The following CZIB variants were observed in gnomAD, a reference collection of about 807,000 sequenced individuals.
CZIB encodes UPF0587 protein C1orf123.
CZIB carries 26 observed loss-of-function variants against 28.3 expected under a neutral mutation model. The ratio of observed to expected loss-of-function variants is 0.92; its 90% CI spans 0.67 to 1.27. CZIB has a LOEUF of 1.27. Among genes scored for constraint, CZIB ranks in the 50% most tolerant of loss-of-function variants. CZIB has a pLI of 0.00. For missense variants in CZIB, 179 were observed against 197.3 expected (o/e 0.91, Z 0.56); for synonymous variants, 78 against 71.1 (o/e 1.10, Z -0.49).
chr1:53,216,125 C>T, intron 6 of CZIB, 69 bp from the exon 7 acceptor site: 4 of 1,470,734 alleles, frequency 2.7e-6, no homozygotes, highest in Non-Finnish European at 2.9e-6. Flanking sequence ...TAAGGGCCGG[C>T]CAGGCTGCTG....
chr1:53,219,135 C>G (rs1572391253), intron 2 of CZIB: 2 of 589,588 alleles, frequency 3.4e-6, no homozygotes, highest in Non-Finnish European at 6.1e-6. Context: ...CGTGCCCACC[C>G]TCCTCTATGA....
intron 2 of CZIB, 71 bp from the exon 3 acceptor site, chr1:53,218,994 G>T: frequency 7.5e-7 from 1 of 1,327,976 alleles, no homozygotes; most frequent in Non-Finnish European, 1.1e-6. Flanking sequence ...GGTAAGAACA[G>T]TGGGAGGTGG....
At chr1:53,219,094 A>G in intron 2 of CZIB, 171 bp from the exon 3 acceptor site, 1 of 649,764 alleles carries the variant, frequency 1.5e-6, no homozygotes, top group East Asian at 2.7e-5. Context: ...ATCTCTGGGC[A>G]AAGGATAGGT....
rs777331497 is a variant in CZIB at position 53,220,279 on chromosome 1, G to C, written c.72C>G (p.Asp24Glu). The change falls in exon 2 of 8, where the codon GAC becomes GAG. Residue 24 changes from aspartate to glutamate, a missense_variant. By Grantham distance (45) the Asp-to-Glu change is conservative (BLOSUM62 2). Transcript: ENST00000294360. ...GCCGCACCTTCAGGTACCACCGGAAGTCCTCGCCCACGGGCCGGAGGTTGG... is the reference window on the plus strand; with the variant it reads ...GCCGCACCTTCAGGTACCACCGGAACTCCTCGCCCACGGGCCGGAGGTTGG... ...NITNLRPVGEDFRWYLKMKCG... is the reference protein window; with the variant it reads ...NITNLRPVGEEFRWYLKMKCG... 6.2e-7 allele frequency: 1 copy of C among 1,613,546 alleles called. No homozygotes were observed. Among genetic ancestry groups the C allele is most frequent in the Admixed American group, 1.7e-5 (1 of 60,020 alleles).
At chr1:53,215,902 T>C in intron 7 of CZIB, 89 bp downstream of exon 7, 3 of 1,333,966 alleles carry the variant, frequency 2.2e-6, no homozygotes, top group Non-Finnish European at 3.2e-6. Flanking sequence ...AAATACAGAG[T>C]TGGCTTTCCA....
intron 7 of CZIB, among the ~76,000 whole-genome samples, chr1:53,214,969 T>TA (rs1227893863): frequency 4.6e-5 from 7 of 151,810 alleles, no homozygotes; most frequent in Admixed American, 1.3e-4. Flanking sequence ...GTCTTCTATT[T>TA]AAAAAAAACA....
rs377269419 is a variant in CZIB at position 53,220,284 on chromosome 1, C to T, written c.67G>A (p.Glu23Lys). Residue 23 changes from glutamate to lysine, a missense_variant, in exon 2 of 8, where the codon GAG (glutamate) becomes AAG (lysine). Physicochemically the swap from Glu to Lys is moderately conservative, Grantham distance 56. Transcript: ENST00000294360. ...ACCTTCAGGTACCACCGGAAGTCCT[C>T]GCCCACGGGCCGGAGGTTGGTGATG... ...ENITNLRPVG[E>K]DFRWYLKMKC... 1.9e-6 allele frequency: 3 copies of T among 1,613,578 alleles called. No individual in the cohort carries two copies. The highest frequency in any genetic ancestry group is 2.2e-5 in the South Asian group (2 of 91,080).
At chr1:53,216,747 A>G (rs1223975688) in intron 6 of CZIB, 35 bp downstream of exon 6, 2 of 1,599,048 alleles carry the variant, frequency 1.3e-6, no homozygotes. Context: ...TCCCCTCCCC[A>G]AAGACAAAGA....
At position 53,220,348 on chromosome 1, in the gene CZIB, A is replaced by C. The variant is rs1645513913; in HGVS notation, c.7-4T>G. 1 of 1,611,956 alleles carries C rather than the reference A, an allele frequency of 6.2e-7. No individual in the cohort carries two copies. The highest frequency in any genetic ancestry group is 2.2e-5 in the East Asian group (1 of 44,880). On this transcript the variant is annotated splice_region_variant and splice_polypyrimidine_tract_variant and intron_variant, in intron 1 of 7. Coordinates refer to ENST00000294360, the MANE Select transcript of CZIB (RefSeq NM_017887.3). ...CTTTGAGTTGCAGCGCGATTTTCTG[A>C]GGGGGAGGGCCAGAGCGACTGCGTC...
chr1:53,218,143 C>G (rs1645485477), intron 5 of CZIB, 29 bp downstream of exon 5: 17 of 1,611,998 alleles, frequency 1.1e-5, no homozygotes, highest in Non-Finnish European at 1.4e-5. Context: ...TTAAGCCCAC[C>G]ATCCCTGCCA....
In CZIB at chr1:53,216,831, A is replaced by G; in HGVS notation, c.290T>C (p.Ile97Thr). ...AAGGCCCCGGCACTCAAACTCCACT[A>G]TTGTCTTGAAGTTCTCATTGTCTTC... is the stretch of plus-strand genomic sequence containing the variant. ...NAEDNENFKT[I>T]VEFECRGLEP... Residue 97 changes from isoleucine to threonine, a missense_variant, in exon 6 of 8, where the codon ATA becomes ACA. Coordinates refer to ENST00000294360, the MANE Select transcript of CZIB (RefSeq NM_017887.3). 6.2e-7 allele frequency: 1 copy of G among 1,614,122 alleles called. No individual in the cohort carries two copies. The highest frequency in any genetic ancestry group is 8.5e-7 in the Non-Finnish European group (1 of 1,179,982).
rs1324789239 is a variant in CZIB, at chr1:53,214,609, A to G, written c.*50T>C. 2 of 1,528,056 alleles carry G rather than the reference A, an allele frequency of 1.3e-6. No homozygotes were observed. Among genetic ancestry groups the G allele is most frequent in the Middle Eastern group, 1.9e-4 (1 of 5,384 alleles). 94.7% of individuals were successfully genotyped at this position (1,528,056 alleles called of 1,614,324 possible). On this transcript the variant is annotated 3_prime_UTR_variant, in exon 8 of 8. Coordinates refer to ENST00000294360, the MANE Select transcript of CZIB (RefSeq NM_017887.3). ...AGCCTCTGTGGGCTCTGCTGCTTAG[A>G]GTACTTTGTCCTTTCTCAGTTCTTA... is the stretch of plus-strand genomic sequence containing the variant.
In CZIB at chr1:53,215,877, T is replaced by C; in HGVS notation, c.405+114A>G. On this transcript the variant is annotated intron_variant, in intron 7 of 7. Coordinates refer to ENST00000294360, the MANE Select transcript of CZIB (RefSeq NM_017887.3). Reference sequence around the variant, plus strand: ...GTGGCCATTTCAACAGCAAAATCACTAACAAAAAGCACAAAAATACAGAGT... The same window carrying C: ...GTGGCCATTTCAACAGCAAAATCACCAACAAAAAGCACAAAAATACAGAGT... 1.0e-5 allele frequency: 11 copies of C among 1,105,014 alleles called. No homozygotes were observed. In the South Asian group the frequency reaches 1.5e-4, roughly 15 times the overall value. The allele number at this position is 1,105,014 out of a possible 1,614,324, so 68.5% of individuals were successfully genotyped here.
At chr1:53,216,914 C>T (rs1446629985) in intron 5 of CZIB, 55 bp from the exon 6 acceptor site, 6 of 1,454,416 alleles carry the variant, frequency 4.1e-6, no homozygotes, top group African/African-American at 1.4e-5. Flanking sequence ...AGGATGACCC[C>T]ATGGCCCCTC....
At chr1:53,218,072 G>A in intron 5 of CZIB, 100 bp downstream of exon 5, 3 of 1,245,856 alleles carry the variant, frequency 2.4e-6, no homozygotes, top group Non-Finnish European at 3.5e-6. Flanking sequence ...AATGTCCTAT[G>A]GCAGGTCACT....
Position 53,214,112 on chromosome 1 carries a change from G to T in CZIB, c.*547C>A. 6.1e-6 allele frequency: 1 copy of T among 165,050 alleles called. No homozygotes were observed. Among genetic ancestry groups the T allele is most frequent in the South Asian group, 1.6e-4 (1 of 6,368 alleles). The allele number at this position is 165,050 out of a possible 1,614,324, so 10.2% of individuals were successfully genotyped here. A position where few individuals can be genotyped will look rare whatever the true frequency, so the allele number is the denominator to read the frequency against. On this transcript the variant is annotated 3_prime_UTR_variant, in exon 8 of 8. Transcript: ENST00000294360. Reference sequence around the variant, plus strand: ...GATAACAAGAGATTTAAGTTTTAAGGGCATTTAATCAGGAGGAAAGGTTTG... The same window carrying T: ...GATAACAAGAGATTTAAGTTTTAAGTGCATTTAATCAGGAGGAAAGGTTTG...
In CZIB at chr1:53,214,666, T is replaced by G. The variant is rs1557720696; in HGVS notation, c.476A>C (p.Lys159Thr). ...ACTGGGAAGGAAGAGGGATCAGCACTTCACAAACTGGTGGGTGACCTCATA... is the reference window on the plus strand; with the variant it reads ...ACTGGGAAGGAAGAGGGATCAGCACGTCACAAACTGGTGGGTGACCTCATA... ...GIYEVTHQFV[K>T]C The change falls in exon 8 of 8, where the codon AAG (lysine) becomes ACG (threonine). Residue 159 changes from lysine to threonine, a missense_variant. Coordinates refer to ENST00000294360, the MANE Select transcript of CZIB (RefSeq NM_017887.3). 2.5e-6 allele frequency: 4 copies of G among 1,614,106 alleles called. No individual in the cohort carries two copies. In the Middle Eastern group the frequency reaches 6.6e-4, roughly 267 times the overall value.
At chr1:53,214,826 G>A (rs1373002261) in intron 7 of CZIB, 90 bp from the exon 8 acceptor site, 2 of 1,007,978 alleles carry the variant, frequency 2.0e-6, no homozygotes, top group Non-Finnish European at 3.0e-6. Context: ...CCCAGCTCAG[G>A]CTCTGACTCA....
chr1:53,218,607 T>C (rs1262051040), intron 3 of CZIB, 112 bp from the exon 4 acceptor site: 16 of 1,133,336 alleles, frequency 1.4e-5, no homozygotes, highest in Non-Finnish European at 2.1e-5. Flanking sequence ...CCAGAAAGGG[T>C]AACTTACTAG....
Sources: gnomAD v4.1 joint callset for allele counts (sites outside exome capture counted in the v4.1 genomes callset) on GRCh38, gnomAD v4.1.1 for gene constraint, MANE v1.5 for transcripts, NCBI Gene and HGNC (gene_info 2026-07-23, HGNC 2026-07-21) for gene names.